The following PCTP variants were observed in gnomAD, a reference collection of about 807,000 sequenced individuals.
PCTP encodes the protein START domain-containing protein 2.
Under a neutral mutation model 31.0 loss-of-function variants are expected in PCTP, and 27 were observed. That is an observed-to-expected ratio of 0.87 (90% CI 0.64 to 1.20). The LOEUF (loss-of-function observed/expected upper bound fraction) is 1.20, where lower values mean the gene tolerates loss of function less well. Ranked by LOEUF, PCTP falls within the 50% of genes most tolerant of loss-of-function variation. The pLI is 0.00. For missense variants in PCTP, 287 were observed against 268.2 expected (o/e 1.07, Z -0.49); for synonymous variants, 108 against 101.2 (o/e 1.07, Z -0.40).
chr17:55,787,618 G>A (rs1010375499), exon 3 of PCTP: 1 of 152,080 alleles, frequency 6.6e-6, no homozygotes, highest in Non-Finnish European at 1.5e-5. Flanking sequence ...GCCTCTCAAA[G>A]TGCTGGGATT....
intron 5 of PCTP, 187 bp from the exon 6 acceptor site, chr17:55,775,848 G>C (rs897595670): frequency 7.5e-7 from 1 of 1,337,518 alleles, no homozygotes; most frequent in Non-Finnish European, 9.6e-7. Flanking sequence ...CTGTTGACTG[G>C]TCTTACTTTT....
intron 2 of PCTP, chr17:55,770,805 G>C: frequency 4.5e-6 from 1 of 221,554 alleles, no homozygotes; most frequent in Non-Finnish European, 8.8e-6. Flanking sequence ...CTGCAGCCTT[G>C]ACCTGCTAGG....
intron 3 of PCTP, among the ~76,000 whole-genome samples, chr17:55,808,902 A>G (rs1422830613): frequency 6.6e-6 from 1 of 152,216 alleles, no homozygotes; most frequent in Non-Finnish European, 1.5e-5. Context: ...TCAGCTAAGA[A>G]TAATGGGCTT....
At chr17:55,755,268 C>T (rs1049796896) in intron 1 of PCTP, among the ~76,000 whole-genome samples, 15 of 152,154 alleles carry the variant, frequency 9.9e-5, no homozygotes, top group Admixed American at 6.5e-4. Context: ...GTTGTGACGA[C>T]CCTTCACTTT....
the PCTP span, among the ~76,000 whole-genome samples, chr17:55,850,737 A>G: frequency 6.6e-6 from 1 of 152,138 alleles, no homozygotes; most frequent in African/African-American, 2.4e-5. Flanking sequence ...CTTTTACTTT[A>G]TACTTAGTCC....
At chr17:55,849,849 T>C in the PCTP span, among the ~76,000 whole-genome samples, 1 of 152,130 alleles carries the variant, frequency 6.6e-6, no homozygotes, top group Non-Finnish European at 1.5e-5. Flanking sequence ...TTCATCCATA[T>C]AAAAGTATAC....
intron 3 of PCTP, among the ~76,000 whole-genome samples, chr17:55,815,719 G>T (rs927500964): frequency 2.6e-5 from 4 of 152,174 alleles, no homozygotes; most frequent in African/African-American, 7.2e-5. Context: ...CTTGCAACCA[G>T]CTATAAGAGA....
intron 3 of PCTP, among the ~76,000 whole-genome samples, chr17:55,819,010 C>CAAAACAAAAAAAA (rs1913022652): frequency 2.0e-5 from 1 of 51,110 alleles, no homozygotes; most frequent in Non-Finnish European, 3.7e-5. Flanking sequence ...GGAAAGAAAT[C>CAAAACAAAAAAAA]AAAAAAAAAA....
At chr17:55,823,621 C>T (rs931585591), downstream of PCTP, among the ~76,000 whole-genome samples, 43 of 152,218 alleles carry the variant, frequency 2.8e-4, no homozygotes, top group African/African-American at 8.4e-4. Context: ...CAAGGCAAAA[C>T]GATGGCTCCT....
At chr17:55,751,426 G>A (rs1336955673) in intron 1 of PCTP, 182 bp downstream of exon 1, 2 of 1,534,168 alleles carry the variant, frequency 1.3e-6, no homozygotes, top group African/African-American at 1.4e-5. Flanking sequence ...GCCTCCAAGT[G>A]ACTGCCGTGC....
chr17:55,756,230 A>T (rs2912560), intron 1 of PCTP, among the ~76,000 whole-genome samples: 97,675 of 152,218 alleles, frequency 0.64, 36,394 homozygotes, highest in East Asian at 0.87. Context: ...CTTCTTGAAC[A>T]TGGATCATAT....
intron 2 of PCTP, among the ~76,000 whole-genome samples, chr17:55,785,953 C>T (rs1911731554): frequency 6.6e-6 from 1 of 152,148 alleles, no homozygotes; most frequent in Non-Finnish European, 1.5e-5. Flanking sequence ...TTTGATAATG[C>T]ACCTTTCTGT....
intron 1 of PCTP, among the ~76,000 whole-genome samples, chr17:55,753,885 A>T (rs1047293247): frequency 6.6e-6 from 1 of 152,144 alleles, no homozygotes; most frequent in African/African-American, 2.4e-5. Flanking sequence ...TCTTTCCCCA[A>T]GCCACACACA....
chr17:55,829,689 A>AAC (rs3083340), intron 5 of PCTP, among the ~76,000 whole-genome samples: 2,795 of 146,134 alleles, frequency 0.019, 34 homozygotes, highest in African/African-American at 0.03. Context: ...TAATAATTTA[A>AAC]ACACACACAC....
chr17:55,852,310 A>G, the PCTP span, among the ~76,000 whole-genome samples: 1 of 152,174 alleles, frequency 6.6e-6, no homozygotes, highest in African/African-American at 2.4e-5. Context: ...GGAGGTGACA[A>G]TGAACTGGAA....
intron 3 of PCTP, among the ~76,000 whole-genome samples, chr17:55,804,129 A>G (rs1912494430): frequency 6.6e-6 from 1 of 152,264 alleles, no homozygotes; most frequent in South Asian, 2.1e-4. Context: ...ATCACTGGTC[A>G]TTAGAGAAAT....
intron 1 of PCTP, among the ~76,000 whole-genome samples, chr17:55,754,308 C>T (rs1909874392): frequency 6.6e-6 from 1 of 152,198 alleles, no homozygotes; most frequent in African/African-American, 2.4e-5. Context: ...ATGACCCCCT[C>T]CTTGGATTCA....
chr17:55,775,082 G>A (rs1181752249), intron 5 of PCTP, among the ~76,000 whole-genome samples: 1 of 152,148 alleles, frequency 6.6e-6, no homozygotes, highest in Admixed American at 6.5e-5. Flanking sequence ...TGGAATGCCA[G>A]CCTCTCCCTG....
chr17:55,796,826 A>C (rs896483583), intron 3 of PCTP, among the ~76,000 whole-genome samples: 1 of 151,970 alleles, frequency 6.6e-6, no homozygotes, highest in Non-Finnish European at 1.5e-5. Context: ...AGTGGTAAAG[A>C]GGAAAAAAAG....
Sources: allele counts gnomAD v4.1 joint callset (sites outside exome capture counted in the v4.1 genomes callset), GRCh38; gene constraint gnomAD v4.1.1; transcripts MANE v1.5; gene names NCBI Gene and HGNC (gene_info 2026-07-23, HGNC 2026-07-21).